FOCAD: variants seen among roughly 807,000 people sequenced by gnomAD.
The protein encoded by FOCAD is focadhesin.
In FOCAD, 198 loss-of-function variants were observed where a neutral mutation model predicts 225.6. That is an observed-to-expected ratio of 0.88 (90% confidence interval 0.78 to 0.99). The LOEUF (loss-of-function observed/expected upper bound fraction) is 0.99. Ranked by LOEUF, FOCAD falls within the 50% of genes least tolerant of loss-of-function variation. FOCAD has a pLI of 0.00. For missense variants in FOCAD, 2,713 were observed against 2,123.6 expected (o/e 1.28, Z -5.46); for synonymous variants, 897 against 755.0 (o/e 1.19, Z -3.08).
At chr9:20,969,340 C>T (rs956847217) in intron 35 of FOCAD, among the ~76,000 whole-genome samples, 1 of 151,964 alleles carries the variant, frequency 6.6e-6, no homozygotes, top group Non-Finnish European at 1.5e-5. Context: ...AATCATACGT[C>T]TAGATATTCT....
intron 15 of FOCAD, among the ~76,000 whole-genome samples, chr9:20,851,390 T>C (rs2131622277): frequency 6.6e-6 from 1 of 151,904 alleles, no homozygotes; most frequent in South Asian, 2.1e-4. Context: ...CTCTTTTAAG[T>C]GGAAGAGCAG....
At chr9:20,799,696 C>T (rs1271203936) in intron 11 of FOCAD, among the ~76,000 whole-genome samples, 1 of 151,964 alleles carries the variant, frequency 6.6e-6, no homozygotes, top group Non-Finnish European at 1.5e-5. Flanking sequence ...TTTCCATTTG[C>T]TTGGTAGATC....
intron 5 of FOCAD, among the ~76,000 whole-genome samples, chr9:20,741,676 C>CTTT (rs10675694): frequency 0.36 from 31,289 of 86,900 alleles, 7,312 homozygotes; most frequent in Non-Finnish European, 0.47. Flanking sequence ...GGTAAATATG[C>CTTT]TTTTTTTTTT....
chr9:20,973,296 G>A (rs1379511807), intron 35 of FOCAD, among the ~76,000 whole-genome samples: 1 of 151,720 alleles, frequency 6.6e-6, no homozygotes, highest in African/African-American at 2.4e-5. Flanking sequence ...TACTTCTGCT[G>A]ACTTTGCCCT....
At chr9:20,681,693 C>G (rs931360286), upstream of FOCAD, among the ~76,000 whole-genome samples, 2 of 152,170 alleles carry the variant, frequency 1.3e-5, no homozygotes, top group African/African-American at 4.8e-5. Flanking sequence ...ATCTTGGTAT[C>G]TCCTGTGCCT....
intron 15 of FOCAD, among the ~76,000 whole-genome samples, chr9:20,829,415 CTG>C (rs1445036446): frequency 1.5e-5 from 2 of 134,694 alleles, no homozygotes; most frequent in Non-Finnish European, 3.2e-5. Context: ...TTTTTATTAT[CTG>C]TTTTTTTTTC....
chr9:20,669,549 C>T (rs1310806716), intron 2 of FOCAD, among the ~76,000 whole-genome samples: 1 of 152,108 alleles, frequency 6.6e-6, no homozygotes, highest in Admixed American at 6.6e-5. Flanking sequence ...CCGAGGCGGG[C>T]AGATCACTTG....
chr9:20,713,878 A>T (rs774587358), intron 1 of FOCAD, among the ~76,000 whole-genome samples: 5 of 152,204 alleles, frequency 3.3e-5, no homozygotes, highest in Non-Finnish European at 7.3e-5. Context: ...TGATTGACAC[A>T]ATTGGGAAGT....
chr9:20,827,618 A>G (rs1288424828), intron 15 of FOCAD, among the ~76,000 whole-genome samples: 1 of 152,012 alleles, frequency 6.6e-6, no homozygotes, highest in African/African-American at 2.4e-5. Flanking sequence ...CCATTCTGAT[A>G]AGTGAAATAA....
At chr9:20,757,967 C>A in intron 5 of FOCAD, 123 bp from the exon 6 acceptor site, 1 of 484,096 alleles carries the variant, frequency 2.1e-6, no homozygotes, top group Non-Finnish European at 3.7e-6. Flanking sequence ...CATTTTGTGA[C>A]AATTATGAAT....
chr9:20,995,713 G>T lies in FOCAD; in HGVS notation c.*84G>T. 1.7e-6 allele frequency: 2 copies of T among 1,205,528 alleles called. No homozygotes were observed. The highest frequency in any genetic ancestry group is 2.4e-6 in the Non-Finnish European group (2 of 820,020). The allele number at this position is 1,205,528 out of a possible 1,614,324, so 74.7% of individuals were successfully genotyped here. A position where few individuals can be genotyped will look rare whatever the true frequency, so the allele number is the denominator to read the frequency against. On this transcript the variant is annotated 3_prime_UTR_variant, in exon 44 of 44. Coordinates refer to ENST00000338382, the MANE Select transcript of FOCAD (RefSeq NM_001375567.1). ...AGAAGTTTTTCAGAATTCATGCCTG[G>T]TATTGCTGAGACATGATGCAGAGAG... is the stretch of plus-strand genomic sequence containing the variant.
chr9:20,991,960 A>T (rs1327126257), intron 42 of FOCAD, among the ~76,000 whole-genome samples: 4 of 152,098 alleles, frequency 2.6e-5, no homozygotes, highest in Non-Finnish European at 4.4e-5. Flanking sequence ...TATCGGTTGG[A>T]TATTATAGCA....
At chr9:20,738,512 C>A (rs781138625) in intron 4 of FOCAD, among the ~76,000 whole-genome samples, 2 of 151,544 alleles carry the variant, frequency 1.3e-5, no homozygotes, top group Non-Finnish European at 2.9e-5. Flanking sequence ...AGTGTTGGGA[C>A]CTCTGTGTTC....
At chr9:20,899,109 T>A (rs1349823813) in intron 21 of FOCAD, among the ~76,000 whole-genome samples, 1 of 151,886 alleles carries the variant, frequency 6.6e-6, no homozygotes, top group Non-Finnish European at 1.5e-5. Flanking sequence ...TCTTATTAGG[T>A]TAGGCTCTGT....
chr9:20,789,564 A>G lies in FOCAD; in HGVS notation c.1411A>G (p.Ile471Val), dbSNP rs145063832. The change falls in exon 11 of 44, where the codon ATA becomes GTA. Residue 471 changes from isoleucine (I) to valine (V), a missense_variant. Physicochemically the swap from Ile to Val is conservative, Grantham distance 29 (BLOSUM62 3). Transcript: ENST00000338382. ...VEDKGQNLHQILKVTTELAQA... is the reference protein window; with the variant it reads ...VEDKGQNLHQVLKVTTELAQA... Reference sequence around the variant, plus strand: ...AGACAAAGGACAAAATCTTCACCAAATACTCAAGGTCACTACAGAATTAGC... The same window carrying G: ...AGACAAAGGACAAAATCTTCACCAAGTACTCAAGGTCACTACAGAATTAGC... 2.6e-5 allele frequency: 42 copies of G among 1,613,902 alleles called. No homozygotes were observed. The highest frequency in any genetic ancestry group is 5.3e-5 in the African/African-American group (4 of 74,908).
At chr9:20,791,086 C>A (rs971167558) in intron 11 of FOCAD, among the ~76,000 whole-genome samples, 7 of 152,126 alleles carry the variant, frequency 4.6e-5, no homozygotes, top group East Asian at 3.8e-4. Context: ...GTAGGATAAT[C>A]TCTAGAATAG....
chr9:20,673,508 A>G (rs1587192211), intron 2 of FOCAD, among the ~76,000 whole-genome samples: 1 of 152,286 alleles, frequency 6.6e-6, no homozygotes, highest in African/African-American at 2.4e-5. Flanking sequence ...GGGTTATGAT[A>G]TTGAGCATCT....
chr9:20,953,239 T>C (rs866967875), intron 35 of FOCAD, among the ~76,000 whole-genome samples, 174 bp downstream of exon 35: 2 of 152,212 alleles, frequency 1.3e-5, no homozygotes, highest in African/African-American at 4.8e-5. Context: ...GCTACAATAA[T>C]TGGTACGTAA....
intron 2 of FOCAD, among the ~76,000 whole-genome samples, chr9:20,717,364 A>T (rs1586929417): frequency 6.6e-6 from 1 of 152,316 alleles, no homozygotes; most frequent in East Asian, 1.9e-4. Context: ...TTGCTAGCCT[A>T]TTGGCTCTAA....
Sources: allele counts gnomAD v4.1 joint callset (sites outside exome capture counted in the v4.1 genomes callset), GRCh38; gene constraint gnomAD v4.1.1; transcripts MANE v1.5; gene names NCBI Gene and HGNC (gene_info 2026-07-23, HGNC 2026-07-21).